TENM3: variants seen among roughly 807,000 people sequenced by gnomAD.
TENM3 encodes teneurin-3.
TENM3 carries 63 observed loss-of-function variants against 255.1 expected under a neutral mutation model. That is an observed-to-expected ratio of 0.25 (90% CI 0.20 to 0.30). TENM3 has a LOEUF of 0.30. Among genes scored for constraint, TENM3 ranks in the 10% least tolerant of loss-of-function variants. The pLI is 1.00. For missense variants in TENM3, 2,929 were observed against 3,461.1 expected, an observed-to-expected ratio of 0.85 and a Z score of 3.86; for synonymous variants, 1,306 against 1,322.3, an observed-to-expected ratio of 0.99 and a Z score of 0.27.
chr4:182,782,902 G>T (rs375942247), intron 24 of TENM3, among the ~76,000 whole-genome samples: 14 of 150,620 alleles, frequency 9.3e-5, no homozygotes, highest in African/African-American at 2.4e-4. Context: ...GTTTTCCATT[G>T]GCTTGGTAGA....
At chr4:181,484,106 C>T in the TENM3 span, among the ~76,000 whole-genome samples, 2 of 152,014 alleles carry the variant, frequency 1.3e-5, no homozygotes, top group Non-Finnish European at 2.9e-5. Flanking sequence ...TTCCAGCCCT[C>T]GCATGTGTGC....
At chr4:182,464,347 C>A (rs545736617) in intron 3 of TENM3, among the ~76,000 whole-genome samples, 1 of 152,258 alleles carries the variant, frequency 6.6e-6, no homozygotes, top group East Asian at 1.9e-4. Flanking sequence ...ACCTCCGCCT[C>A]CCGGGTTCAA....
the TENM3 span, among the ~76,000 whole-genome samples, chr4:181,669,994 A>C: frequency 6.6e-6 from 1 of 152,324 alleles, no homozygotes; most frequent in Non-Finnish European, 1.5e-5. Context: ...GTTAAAGGGC[A>C]GTTTACAATT....
At chr4:181,518,497 G>A in the TENM3 span, among the ~76,000 whole-genome samples, 1 of 152,022 alleles carries the variant, frequency 6.6e-6, no homozygotes, top group Non-Finnish European at 1.5e-5. Context: ...GCGTGATCTC[G>A]GCTCACTGCA....
upstream of TENM3, chr4:182,143,627 G>T (rs559398933): frequency 6.0e-6 from 1 of 166,432 alleles, no homozygotes; most frequent in South Asian, 2.1e-4. This position sits in a 1 kb window ranked among gnomAD's most constrained non-coding sequence, Gnocchi z 4.3. Context: ...TAAGTCCAAA[G>T]CAATTACCCG....
the TENM3 span, among the ~76,000 whole-genome samples, chr4:181,884,907 T>C: frequency 6.6e-6 from 1 of 152,158 alleles, no homozygotes; most frequent in African/African-American, 2.4e-5. Flanking sequence ...ATTTTCCATA[T>C]GGAAAATGTT....
chr4:182,189,686 A>C (rs1753391273), intron 1 of TENM3, among the ~76,000 whole-genome samples: 1 of 152,148 alleles, frequency 6.6e-6, no homozygotes, highest in South Asian at 2.1e-4. Flanking sequence ...TGTGGACTGC[A>C]GTTTTTGAAG....
the TENM3 span, among the ~76,000 whole-genome samples, chr4:181,744,573 T>C: frequency 6.6e-6 from 1 of 152,152 alleles, no homozygotes; most frequent in Non-Finnish European, 1.5e-5. Context: ...ATATCCCTGG[T>C]TGTTAAACTC....
chr4:182,201,045 G>A (rs1175532885), intron 1 of TENM3, among the ~76,000 whole-genome samples: 4 of 151,762 alleles, frequency 2.6e-5, no homozygotes, highest in African/African-American at 7.3e-5. Flanking sequence ...GGCTGGTCTC[G>A]AACTCCTGAC....
At chr4:181,471,970 A>T in the TENM3 span, among the ~76,000 whole-genome samples, 1 of 152,108 alleles carries the variant, frequency 6.6e-6, no homozygotes, top group African/African-American at 2.4e-5. Flanking sequence ...ATTAGTTCAG[A>T]TGCTTCTTGG....
At chr4:182,112,634 A>C in the TENM3 span, among the ~76,000 whole-genome samples, 1 of 152,250 alleles carries the variant, frequency 6.6e-6, no homozygotes, top group Admixed American at 6.5e-5. Flanking sequence ...GAAAACAAAG[A>C]GCAGTCTTCA....
intron 20 of TENM3, among the ~76,000 whole-genome samples, chr4:182,752,674 G>A (rs1762457678): frequency 6.6e-6 from 1 of 151,972 alleles, no homozygotes; most frequent in African/African-American, 2.4e-5. Flanking sequence ...AACAAGGACT[G>A]GAAAAAAGTA....
chr4:182,538,885 C>T (rs773045938), intron 3 of TENM3, among the ~76,000 whole-genome samples: 28 of 151,724 alleles, frequency 1.8e-4, no homozygotes, highest in Non-Finnish European at 3.2e-4. Flanking sequence ...GGTTTGGGGG[C>T]TGAGGAAAGA....
At chr4:181,730,416 G>A in the TENM3 span, among the ~76,000 whole-genome samples, 1 of 152,194 alleles carries the variant, frequency 6.6e-6, no homozygotes, top group African/African-American at 2.4e-5. Context: ...TATTGTTAGG[G>A]AGTTTAGTCG....
At chr4:181,631,522 C>A in the TENM3 span, among the ~76,000 whole-genome samples, 1 of 152,092 alleles carries the variant, frequency 6.6e-6, no homozygotes, top group Non-Finnish European at 1.5e-5. Flanking sequence ...GAACTCCTGA[C>A]CTCATGATCC....
At chr4:181,589,483 G>A in the TENM3 span, among the ~76,000 whole-genome samples, 5 of 152,276 alleles carry the variant, frequency 3.3e-5, no homozygotes, top group South Asian at 1.0e-3. Context: ...TCAAAACATG[G>A]TAAGGTAAAC....
the TENM3 span, among the ~76,000 whole-genome samples, chr4:181,620,559 T>C: frequency 0.019 from 2,879 of 151,486 alleles, 37 homozygotes; most frequent in East Asian, 0.038. Context: ...TAGTTGGAAA[T>C]GAACTCTCAA....
the TENM3 span, among the ~76,000 whole-genome samples, chr4:181,887,157 G>GA: frequency 3.3e-5 from 5 of 150,360 alleles, no homozygotes; most frequent in African/African-American, 9.8e-5. Flanking sequence ...AGAAACACTA[G>GA]AAAAAAAAAT....
the TENM3 span, among the ~76,000 whole-genome samples, chr4:181,451,718 A>G: frequency 1.3e-5 from 2 of 152,156 alleles, no homozygotes; most frequent in Non-Finnish European, 2.9e-5. Context: ...AAAACATGGT[A>G]ATGTTCCTTG....
Sources: gnomAD v4.1 joint callset for allele counts (sites outside exome capture counted in the v4.1 genomes callset) on GRCh38, gnomAD v4.1.1 for gene constraint, Gnocchi (gnomAD v3.1) non-coding constraint, MANE v1.5 for transcripts, NCBI Gene and HGNC (gene_info 2026-07-23, HGNC 2026-07-21) for gene names.